The following SOD2 variants were observed in gnomAD, a reference collection of about 807,000 sequenced individuals.
The protein encoded by SOD2 is superoxide dismutase [Mn], mitochondrial.
Under a neutral mutation model 27.0 loss-of-function variants are expected in SOD2, and 11 were observed. The ratio of observed to expected loss-of-function variants is 0.41; its 90% confidence interval spans 0.26 to 0.67. The LOEUF (loss-of-function observed/expected upper bound fraction) is 0.67. Ranked by LOEUF, SOD2 falls within the 30% of genes least tolerant of loss-of-function variation. The pLI is 0.34. For missense variants in SOD2, 250 were observed against 274.5 expected (o/e 0.91, Z 0.63); for synonymous variants, 105 against 103.0 (o/e 1.02, Z -0.12).
At chr6:159,710,591 C>T (rs1777716065) in intron 1 of SOD2, among the ~76,000 whole-genome samples, 1 of 152,132 alleles carries the variant, frequency 6.6e-6, no homozygotes, top group Non-Finnish European at 1.5e-5. Context: ...GCTTTTATAT[C>T]TGGAGTAGCT....
At chr6:159,740,087 C>T (rs1779158976) in intron 1 of SOD2, among the ~76,000 whole-genome samples, 1 of 151,870 alleles carries the variant, frequency 6.6e-6, no homozygotes, top group South Asian at 2.1e-4. Context: ...TGAAGTGATT[C>T]TCTCACCTTG....
intron 2 of SOD2, chr6:159,692,252 C>T (rs912579230): frequency 1.0e-5 from 5 of 487,940 alleles, no homozygotes; most frequent in Non-Finnish European, 1.6e-5. Context: ...AAACGGCTGG[C>T]ACACCTACCT....
At chr6:159,755,527 T>C (rs1371369204) in intron 1 of SOD2, 1 of 1,613,876 alleles carries the variant, frequency 6.2e-7, no homozygotes, top group Admixed American at 1.7e-5. Context: ...AAGCAGTGAG[T>C]GGGAAAGGTA....
intron 1 of SOD2, among the ~76,000 whole-genome samples, chr6:159,717,229 C>T (rs1777937037): frequency 6.6e-6 from 1 of 152,138 alleles, no homozygotes; most frequent in Admixed American, 6.6e-5. Flanking sequence ...TCCTTACTCC[C>T]ACCAAGGAGT....
intron 1 of SOD2, among the ~76,000 whole-genome samples, chr6:159,740,706 T>G (rs1455054261): frequency 6.6e-6 from 1 of 151,234 alleles, no homozygotes; most frequent in Non-Finnish European, 1.5e-5. Context: ...TCTTTTTTCT[T>G]TCTTTTTTTT....
chr6:159,750,079 G>A (rs1041150276), upstream of SOD2, among the ~76,000 whole-genome samples: 3 of 151,712 alleles, frequency 2.0e-5, no homozygotes, highest in Non-Finnish European at 4.4e-5. Flanking sequence ...GAAGTGGTTT[G>A]TGTGACTTTT....
At chr6:159,734,954 T>C (rs1003008090) in intron 1 of SOD2, among the ~76,000 whole-genome samples, 2 of 152,182 alleles carry the variant, frequency 1.3e-5, no homozygotes, top group Non-Finnish European at 2.9e-5. Context: ...ATACCTGCTA[T>C]TAGCATTCGT....
In SOD2 at chr6:159,684,839, AT is replaced by A. The variant is rs758235392; in HGVS notation, c.523+14del. 2.5e-6 allele frequency: 4 copies of A among 1,597,332 alleles called. No individual in the cohort carries two copies. The highest frequency in any genetic ancestry group is 3.4e-6 in the Non-Finnish European group (4 of 1,170,246). On this transcript the variant is annotated intron_variant, in intron 4 of 4. Transcript: ENST00000538183. ...AGCATCTCTCCCAAATGAAATCACAATTTTTAAATCTAACCTGTTGTTCCTT... is the reference window on the plus strand; with the variant it reads ...AGCATCTCTCCCAAATGAAATCACAATTTTAAATCTAACCTGTTGTTCCTT...
chr6:159,694,128 A>T (rs1777370822), upstream of SOD2, among the ~76,000 whole-genome samples: 1 of 152,194 alleles, frequency 6.6e-6, no homozygotes, highest in African/African-American at 2.4e-5. Context: ...TTGTGTGTTT[A>T]CAGTAACTCT....
chr6:159,728,458 G>A (rs1483980121), upstream of SOD2, among the ~76,000 whole-genome samples: 1 of 152,206 alleles, frequency 6.6e-6, no homozygotes, highest in African/African-American at 2.4e-5. Flanking sequence ...GTCTGGTAGG[G>A]AAATACTTCT....
At chr6:159,710,270 C>CATATATATATAT (rs141490345) in intron 1 of SOD2, among the ~76,000 whole-genome samples, 163 of 143,484 alleles carry the variant, frequency 1.1e-3, no homozygotes, top group South Asian at 2.2e-3. Context: ...AGTATAAATA[C>CATATATATATAT]ATATATATAT....
intron 4 of SOD2, among the ~76,000 whole-genome samples, chr6:159,683,762 C>A (rs1267751962): frequency 6.6e-6 from 1 of 152,162 alleles, no homozygotes; most frequent in African/African-American, 2.4e-5. Flanking sequence ...CCTGACTCTA[C>A]AGATCGGTGC....
upstream of SOD2, among the ~76,000 whole-genome samples, chr6:159,696,749 G>A (rs529249893): frequency 2.6e-5 from 4 of 152,238 alleles, no homozygotes; most frequent in South Asian, 4.1e-4. Flanking sequence ...GAGAAATGTA[G>A]TCAGGTATGG....
chr6:159,684,446 G>A (rs572940966), intron 4 of SOD2, among the ~76,000 whole-genome samples: 3 of 151,940 alleles, frequency 2.0e-5, no homozygotes, highest in Non-Finnish European at 4.4e-5. Context: ...GTGAAACCCT[G>A]TCTGTACTAA....
chr6:159,759,089 C>T (rs1480484001), intron 1 of SOD2, among the ~76,000 whole-genome samples: 7 of 147,210 alleles, frequency 4.8e-5, no homozygotes, highest in East Asian at 4.0e-4. Context: ...GATGGAGTTT[C>T]GCTCTTGTTG....
chr6:159,737,829 T>TAA (rs1779014351), intron 1 of SOD2, among the ~76,000 whole-genome samples: 2 of 152,250 alleles, frequency 1.3e-5, no homozygotes, highest in African/African-American at 2.4e-5. Flanking sequence ...ATCTCACCTT[T>TAA]ACAGCCTTTA....
chr6:159,721,732 T>A (rs1188704189), intron 1 of SOD2, among the ~76,000 whole-genome samples: 3 of 133,428 alleles, frequency 2.2e-5, no homozygotes, highest in Non-Finnish European at 3.2e-5. Flanking sequence ...TTCACTATGT[T>A]GCCAGGTTGG....
intron 3 of SOD2, among the ~76,000 whole-genome samples, chr6:159,686,401 C>A (rs1023398038): frequency 6.6e-6 from 1 of 152,138 alleles, no homozygotes; most frequent in African/African-American, 2.4e-5. Flanking sequence ...AATCTTAGTA[C>A]TTTGGGAGGC....
intron 1 of SOD2, among the ~76,000 whole-genome samples, chr6:159,756,741 A>G (rs930828661): frequency 2.0e-5 from 3 of 151,970 alleles, no homozygotes; most frequent in Non-Finnish European, 2.9e-5. Context: ...ACCTGAGACT[A>G]TAGGCATATA....
Sources: allele counts gnomAD v4.1 joint callset (sites outside exome capture counted in the v4.1 genomes callset), GRCh38; gene constraint gnomAD v4.1.1; transcripts MANE v1.5; gene names NCBI Gene and HGNC (gene_info 2026-07-23, HGNC 2026-07-21).